CENPH: variants seen among roughly 807,000 people sequenced by gnomAD.
CENPH encodes the protein CENP-H.
Under a neutral mutation model 42.9 loss-of-function variants are expected in CENPH, and 40 were observed. The observed-to-expected ratio is 0.93, with a 90% confidence interval of 0.72 to 1.21. The LOEUF (loss-of-function observed/expected upper bound fraction) is 1.21. Ranked by LOEUF, CENPH falls within the 50% of genes most tolerant of loss-of-function variation. The pLI is 0.00. For synonymous variants in CENPH, 88 were observed against 96.5 expected (o/e 0.91, Z 0.52); for missense variants, 302 against 292.9 (o/e 1.03, Z -0.23).
In CENPH at chr5:69,202,570, G is replaced by A. The variant is rs1225621871; in HGVS notation, c.435+1G>A. 2.6e-6 allele frequency: 4 copies of A among 1,524,538 alleles called. No individual in the cohort carries two copies. Among genetic ancestry groups the A allele is most frequent in the East Asian group, 4.6e-5 (2 of 43,908 alleles). The allele number at this position is 1,524,538 out of a possible 1,614,324, so 94.4% of individuals were successfully genotyped here. A position where few individuals can be genotyped will look rare whatever the true frequency, so the allele number is the denominator to read the frequency against. ...TAAATTAATAATGAAATCACAGCAGGTAAACTTACACATTAGGCTGATTAT... is the reference window on the plus strand; with the variant it reads ...TAAATTAATAATGAAATCACAGCAGATAAACTTACACATTAGGCTGATTAT... On this transcript the variant is annotated splice_donor_variant, in intron 6 of 8. Coordinates refer to ENST00000283006, the MANE Select transcript of CENPH (RefSeq NM_022909.4). LOFTEE classifies it high-confidence loss of function.
intron 5 of CENPH, among the ~76,000 whole-genome samples, chr5:69,198,378 C>T (rs1025317352): frequency 2.6e-5 from 4 of 151,954 alleles, no homozygotes; most frequent in Non-Finnish European, 5.9e-5. Context: ...CAACCTCCAT[C>T]TCTGCGGTTC....
At chr5:69,189,863 C>T (rs1747835143) in intron 1 of CENPH, 95 bp downstream of exon 1, 4 of 1,334,140 alleles carry the variant, frequency 3.0e-6, no homozygotes, top group Non-Finnish European at 3.9e-6. Flanking sequence ...AATTCACGCT[C>T]GGTCACGTCA....
At chr5:69,200,731 T>TTTTTTTTTTTTTTC in intron 5 of CENPH, among the ~76,000 whole-genome samples, 1 of 65,972 alleles carries the variant, frequency 1.5e-5, no homozygotes. Flanking sequence ...TTTTTTTTTT[T>TTTTTTTTTTTTTTC]TTTTTTTTTT....
At chr5:69,205,740 G>T (rs190841121) in intron 7 of CENPH, among the ~76,000 whole-genome samples, 2 of 112,108 alleles carry the variant, frequency 1.8e-5, no homozygotes, top group African/African-American at 7.2e-5. Flanking sequence ...ACGGAGTCTC[G>T]CTCTGTCGCC....
chr5:69,195,861 G>T, intron 4 of CENPH, 70 bp downstream of exon 4: 1 of 742,348 alleles, frequency 1.3e-6, no homozygotes, highest in Admixed American at 2.7e-5. Flanking sequence ...AAAGTGGAGG[G>T]AATCTTTTAA....
At chr5:69,189,905 GT>G in intron 1 of CENPH, 137 bp downstream of exon 1, 1 of 1,000,910 alleles carries the variant, frequency 1.0e-6, no homozygotes, top group Non-Finnish European at 1.4e-6. Flanking sequence ...CACTTAAACT[GT>G]TGAAGCTCTT....
intron 7 of CENPH, among the ~76,000 whole-genome samples, chr5:69,206,256 C>T (rs536893763): frequency 3.3e-5 from 5 of 150,978 alleles, no homozygotes; most frequent in Non-Finnish European, 7.4e-5. Flanking sequence ...GATCTCGGCT[C>T]ACTGCACCTC....
chr5:69,207,271 C>A (rs560904039), intron 7 of CENPH, among the ~76,000 whole-genome samples: 1 of 151,768 alleles, frequency 6.6e-6, no homozygotes, highest in African/African-American at 2.4e-5. Flanking sequence ...CTTACTGCAA[C>A]CTCTGCCTCT....
At chr5:69,197,911 ATCTTTTTTTTTTTTT>A (rs1747991790) in intron 5 of CENPH, among the ~76,000 whole-genome samples, 1 of 111,598 alleles carries the variant, frequency 9.0e-6, no homozygotes, top group African/African-American at 3.5e-5. Flanking sequence ...CTTACCTATG[ATCTTTTTTTTTTTTT>A]TTTTTTTTTT....
chr5:69,192,812 T>C (rs1747898007), intron 2 of CENPH, among the ~76,000 whole-genome samples: 1 of 152,030 alleles, frequency 6.6e-6, no homozygotes, highest in Non-Finnish European at 1.5e-5. Flanking sequence ...AAAATATATA[T>C]ATGGCTGGGC....
chr5:69,202,657 A>AT (rs763678545), intron 6 of CENPH, 88 bp downstream of exon 6: 31 of 827,458 alleles, frequency 3.7e-5, no homozygotes, highest in African/African-American at 6.9e-5. Context: ...GATTAAATAG[A>AT]TTGTCCAAAG....
intron 7 of CENPH, among the ~76,000 whole-genome samples, chr5:69,207,418 A>T (rs1046378930): frequency 6.6e-6 from 1 of 151,588 alleles, no homozygotes; most frequent in Non-Finnish European, 1.5e-5. Flanking sequence ...CGAACTCCTG[A>T]CCTCAGGTGA....
At chr5:69,200,427 C>T (rs1561323249) in intron 5 of CENPH, among the ~76,000 whole-genome samples, 1 of 152,320 alleles carries the variant, frequency 6.6e-6, no homozygotes, top group East Asian at 1.9e-4. Flanking sequence ...ACTCAACTCC[C>T]ACAGTAGAGC....
intron 5 of CENPH, among the ~76,000 whole-genome samples, chr5:69,199,338 C>G (rs1336481308): frequency 2.0e-5 from 3 of 152,090 alleles, no homozygotes; most frequent in Non-Finnish European, 2.9e-5. Context: ...CCGTGCCTGG[C>G]TAATTTTTGT....
In CENPH at chr5:69,195,184, G is replaced by A. The variant is rs150841312; in HGVS notation, c.239+489G>A. Among the ~76,000 whole-genome samples, 796 of 152,164 alleles carry A rather than the reference G, an allele frequency of 5.2e-3. 4 individuals carry two copies. Among genetic ancestry groups the A allele is most frequent in the African/African-American group, 0.018 (753 of 41,550 alleles). ...GCGGAGGTTGCGGTGAGCCAAGATT[G>A]CGCCATTGCACTCCAACCTGGGCAA... On this transcript the variant is annotated intron_variant, in intron 3 of 8. Coordinates refer to ENST00000283006, the MANE Select transcript of CENPH (RefSeq NM_022909.4).
chr5:69,202,048 C>T (rs1748068493), intron 5 of CENPH, among the ~76,000 whole-genome samples: 1 of 152,142 alleles, frequency 6.6e-6, no homozygotes, highest in African/African-American at 2.4e-5. Context: ...AATCTCTGTA[C>T]CTTCCACTCG....
intron 7 of CENPH, among the ~76,000 whole-genome samples, chr5:69,207,278 C>T (rs1180892471): frequency 6.6e-6 from 1 of 151,716 alleles, no homozygotes; most frequent in Non-Finnish European, 1.5e-5. Flanking sequence ...CAACCTCTGC[C>T]TCTGGGTTCA....
Position 69,189,735 on chromosome 5 carries a change from C to T in CENPH, c.101C>T (p.Ala34Val). 1 of 1,551,060 alleles carries T rather than the reference C, an allele frequency of 6.4e-7. No homozygotes were observed. ...GPPQVAGAQA[A>V]CSEDRMTLLL... is the part of the protein sequence containing the mutation. ...CCGCAGGTCGCCGGCGCCCAGGCGG[C>T]GTGCAGCGAGGACCGCATGACCCTG... The change falls in exon 1 of 9, where the codon GCG becomes GTG. Residue 34 changes from alanine (A) to valine (V), a missense_variant. Ala to Val is a moderately conservative substitution (Grantham distance 64). Transcript: ENST00000283006.
At position 69,205,297 on chromosome 5, in the gene CENPH, G is replaced by C. The variant is rs535200322; in HGVS notation, c.487+2327G>C. On this transcript the variant is annotated intron_variant, in intron 7 of 8. Coordinates refer to ENST00000283006, the MANE Select transcript of CENPH (RefSeq NM_022909.4). ...AGCTGGAGTGCAGTGGCGCGATCTT[G>C]GCTCTCTGCAACCTCTGTCTCCTGG... Among the ~76,000 whole-genome samples the C allele has an allele frequency of 7.0e-4, 106 of 151,378 alleles. 1 individual carries two copies. Among genetic ancestry groups the C allele is most frequent in the African/African-American group, 2.3e-3 (94 of 41,250 alleles).
Sources: gnomAD v4.1 joint callset for allele counts (sites outside exome capture counted in the v4.1 genomes callset) on GRCh38, gnomAD v4.1.1 for gene constraint, MANE v1.5 for transcripts, NCBI Gene and HGNC (gene_info 2026-07-23, HGNC 2026-07-21) for gene names.